The following GOSR2 variants were observed in gnomAD, a reference collection of about 807,000 sequenced individuals.
GOSR2 encodes 27 kDa Golgi SNARE protein.
In GOSR2, 20 loss-of-function variants were observed where a neutral mutation model predicts 27.9. The ratio of observed to expected loss-of-function variants is 0.72; its 90% CI spans 0.50 to 1.04. The LOEUF (loss-of-function observed/expected upper bound fraction) is 1.04, where lower values mean the gene tolerates loss of function less well. Among genes scored for constraint, GOSR2 ranks in the 50% least tolerant of loss-of-function variants. The pLI is 0.00. For missense variants in GOSR2, 261 were observed against 270.5 expected (o/e 0.97, Z 0.25); for synonymous variants, 91 against 98.8 (o/e 0.92, Z 0.47).
downstream of GOSR2, among the ~76,000 whole-genome samples, chr17:46,942,217 A>G (rs1482854817): frequency 6.6e-6 from 1 of 152,182 alleles, no homozygotes; most frequent in African/African-American, 2.4e-5. Flanking sequence ...AAAGAAAGAA[A>G]CGTCATCTGT....
At chr17:46,932,538 G>A (rs1294349796) in intron 4 of GOSR2, 1 of 532,162 alleles carries the variant, frequency 1.9e-6, no homozygotes, top group African/African-American at 1.9e-5. Context: ...TAGAACTTAG[G>A]CCATTTGTAG....
downstream of GOSR2, among the ~76,000 whole-genome samples, chr17:46,945,757 G>A (rs1035430843): frequency 1.3e-5 from 2 of 152,170 alleles, no homozygotes; most frequent in Non-Finnish European, 2.9e-5. Flanking sequence ...AGGGACTGAG[G>A]CAGAAGCTCA....
intron 6 of GOSR2, among the ~76,000 whole-genome samples, chr17:46,957,938 G>A (rs1235645002): frequency 6.6e-6 from 1 of 152,230 alleles, no homozygotes; most frequent in East Asian, 1.9e-4. Flanking sequence ...CATGGCAATG[G>A]AAGTGAGAGG....
chr17:46,927,681 T>C (rs917310324), intron 1 of GOSR2, among the ~76,000 whole-genome samples: 2 of 152,182 alleles, frequency 1.3e-5, no homozygotes, highest in Non-Finnish European at 2.9e-5. Context: ...CTAGGCTGTT[T>C]CTTTCCTCTT....
At chr17:46,964,907 C>G (rs549177665) in intron 6 of GOSR2, 1 of 152,258 alleles carries the variant, frequency 6.6e-6, no homozygotes, top group Non-Finnish European at 1.5e-5. Flanking sequence ...GATTTGGCCT[C>G]TAACTGCAAG....
chr17:46,965,797 AT>A (rs74700472), intron 6 of GOSR2, among the ~76,000 whole-genome samples: 7,493 of 137,436 alleles, frequency 0.055, 211 homozygotes, highest in Admixed American at 0.12. Flanking sequence ...TAATTTTTGT[AT>A]TTTTTTTTTT....
rs943384485 is a variant in GOSR2, at chr17:46,923,607, G to A, written c.29+386G>A. ...GGAGACACGGCCCCTGGCCGTAGGA[G>A]TGTACTGTTTAATTGGAGAGTCAGG... On this transcript the variant is annotated intron_variant, in intron 1 of 5. Transcript: ENST00000640051. The A allele has an allele frequency of 1.8e-5, 23 of 1,268,954 alleles. No individual in the cohort carries two copies. The Middle Eastern group carries it at 1.2e-3, about 65-fold the overall frequency. The allele number at this position is 1,268,954 out of a possible 1,614,324, so 78.6% of individuals were successfully genotyped here. A position where few individuals can be genotyped will look rare whatever the true frequency, so the allele number is the denominator to read the frequency against.
intron 4 of GOSR2, among the ~76,000 whole-genome samples, chr17:46,934,136 C>T (rs1168730339): frequency 2.0e-5 from 3 of 152,224 alleles, no homozygotes; most frequent in Admixed American, 6.5e-5. Flanking sequence ...AGGGCAGGCC[C>T]TGCGCTCAGT....
rs116123534 is a variant in GOSR2, at chr17:46,940,415, A to G, written c.*1655A>G. 0.016 allele frequency: 25,294 copies of G among 1,591,780 alleles called. 355 individuals carry two copies. The highest frequency in any genetic ancestry group is 0.066 in the African/African-American group (4,937 of 74,796). ...GGGGTTGCAGCATCTTTAGACCTAG[A>G]TCTGTCTAACTCTGGGGAGGCACAT... On this transcript the variant is annotated 3_prime_UTR_variant, in exon 6 of 6. Coordinates refer to ENST00000640051, the MANE Select transcript of GOSR2 (RefSeq NM_004287.5).
At chr17:46,923,371 C>T (rs2085987533) in intron 1 of GOSR2, 150 bp downstream of exon 1, 11 of 1,472,842 alleles carry the variant, frequency 7.5e-6, no homozygotes, top group Non-Finnish European at 9.9e-6. Flanking sequence ...GTGCTTAATC[C>T]TTGGCGGGAC....
At chr17:46,955,094 A>G (rs948020783) in intron 6 of GOSR2, among the ~76,000 whole-genome samples, 49 of 151,946 alleles carry the variant, frequency 3.2e-4, no homozygotes, top group Admixed American at 2.8e-3. Context: ...GTCTTGTGCC[A>G]GTTTTCAAAG....
chr17:46,942,473 A>G (rs1464012068), downstream of GOSR2, among the ~76,000 whole-genome samples: 1 of 152,150 alleles, frequency 6.6e-6, no homozygotes, highest in Non-Finnish European at 1.5e-5. Context: ...GCTTGGAACC[A>G]TGGGCCCACT....
chr17:46,932,243 C>A lies in GOSR2; in HGVS notation c.336+44C>A, dbSNP rs370925488. 1.4e-5 allele frequency: 23 copies of A among 1,611,122 alleles called. No homozygotes were observed. The Admixed American group carries it at 3.3e-4, about 23-fold the overall frequency. On this transcript the variant is annotated intron_variant, in intron 4 of 5. Coordinates refer to ENST00000640051, the MANE Select transcript of GOSR2 (RefSeq NM_004287.5). ...GAGGGTCGGCCTGCACTTGACAGAT[C>A]GTGGGGGCTGGAGTTCAGATCTCTG...
chr17:46,952,655 TA>T lies in GOSR2; in HGVS notation c.584-13878del, dbSNP rs1301707505. ...GGAGACATCTTAACCTGAAGGCTTT[TA>T]TTCCAGCTATGTGAGAGGCCACCTG... On this transcript the variant is annotated intron_variant, in intron 6 of 6. Transcript: ENST00000573224. The T allele has an allele frequency of 2.0e-5, 3 of 152,206 alleles. No individual in the cohort carries two copies. In the East Asian group the frequency reaches 5.8e-4, roughly 29 times the overall value. The allele number at this position is 152,206 out of a possible 1,614,324, so 9.4% of individuals were successfully genotyped here.
At position 46,938,717 on chromosome 17, in the gene GOSR2, T is replaced by C. The variant is rs763844110; in HGVS notation, c.596T>C (p.Leu199Pro). 3.1e-6 allele frequency: 5 copies of C among 1,614,050 alleles called. No individual in the cohort carries two copies. The highest frequency in any genetic ancestry group is 2.5e-6 in the Non-Finnish European group (3 of 1,179,972). Residue 199 changes from leucine to proline, a missense_variant, in exon 6 of 6, where the codon CTG becomes CCG. Transcript: ENST00000640051. ...DKYFMIGGML[L>P]TCVVMFLVVQ... ...TACTTTATGATAGGTGGGATGCTGC[T>C]GACCTGTGTGGTCATGTTCCTCGTG...
chr17:46,941,967 T>C lies in GOSR2; in HGVS notation c.*3207T>C, dbSNP rs960946778. On this transcript the variant is annotated 3_prime_UTR_variant, in exon 6 of 6. Coordinates refer to ENST00000640051, the MANE Select transcript of GOSR2 (RefSeq NM_004287.5). ...TCTGTCTCAAAGATGATCACATTGG[T>C]GTAAAGAGCAAAACTTGTTAAGTCC... 2.0e-6 allele frequency: 2 copies of C among 984,964 alleles called. No homozygotes were observed. Among genetic ancestry groups the C allele is most frequent in the South Asian group, 9.4e-5 (2 of 21,272 alleles). 61.0% of individuals were successfully genotyped at this position (984,964 alleles called of 1,614,324 possible). A position where few individuals can be genotyped will look rare whatever the true frequency, so the allele number is the denominator to read the frequency against.
chr17:46,938,574 T>G (rs754974472), intron 5 of GOSR2, 25 bp from the exon 6 acceptor site: 70 of 1,613,784 alleles, frequency 4.3e-5, no homozygotes, highest in Non-Finnish European at 5.3e-5. Context: ...ATGTTTGTTT[T>G]TTTTTCTGTT....
rs867298287 is a variant in GOSR2, at chr17:46,938,721, C to T, written c.600C>T (p.Thr200=). The change falls in exon 6 of 6, where the codon ACC becomes ACT. Residue 200 remains threonine (T), a synonymous_variant. Coordinates refer to ENST00000640051, the MANE Select transcript of GOSR2 (RefSeq NM_004287.5). ...KYFMIGGMLL[T]CVVMFLVVQY... Reference sequence around the variant, plus strand: ...TTATGATAGGTGGGATGCTGCTGACCTGTGTGGTCATGTTCCTCGTGGTGC... The same window carrying T: ...TTATGATAGGTGGGATGCTGCTGACTTGTGTGGTCATGTTCCTCGTGGTGC... The T allele has an allele frequency of 6.2e-7, 1 of 1,614,000 alleles. No individual in the cohort carries two copies. Among genetic ancestry groups the T allele is most frequent in the Non-Finnish European group, 8.5e-7 (1 of 1,179,932 alleles).
At chr17:46,952,181 C>G (rs935696535) in intron 6 of GOSR2, among the ~76,000 whole-genome samples, 2 of 152,148 alleles carry the variant, frequency 1.3e-5, no homozygotes, top group African/African-American at 4.8e-5. Flanking sequence ...AAATCCTTAT[C>G]CCCTTCTGCT....
Sources: gnomAD v4.1 joint callset for allele counts (sites outside exome capture counted in the v4.1 genomes callset) on GRCh38, gnomAD v4.1.1 for gene constraint, MANE v1.5 for transcripts, NCBI Gene and HGNC (gene_info 2026-07-23, HGNC 2026-07-21) for gene names.